PCSK5: variants seen among roughly 807,000 people sequenced by gnomAD.
PCSK5 encodes prohormone convertase 5.
In PCSK5, 129 loss-of-function variants were observed where a neutral mutation model predicts 233.2. The ratio of observed to expected loss-of-function variants is 0.55; its 90% CI spans 0.48 to 0.64. PCSK5 has a LOEUF of 0.64. Ranked by LOEUF, PCSK5 falls within the 30% of genes least tolerant of loss-of-function variation. The pLI is 0.00. For synonymous variants in PCSK5, 825 were observed against 879.2 expected, an observed-to-expected ratio of 0.94 and a Z score of 1.09; for missense variants, 2,076 against 2,430.1, an observed-to-expected ratio of 0.85 and a Z score of 3.06.
chr9:76,080,324 C>T (rs1040348579), intron 7 of PCSK5, among the ~76,000 whole-genome samples: 1 of 152,192 alleles, frequency 6.6e-6, no homozygotes. Context: ...ATATGACACA[C>T]ACGCACTCCA....
chr9:76,041,685 CA>C (rs1829125823), intron 5 of PCSK5, among the ~76,000 whole-genome samples: 1 of 151,722 alleles, frequency 6.6e-6, no homozygotes, highest in Admixed American at 6.6e-5. Flanking sequence ...ACTAAAAATA[CA>C]AAAATTAGCC....
chr9:76,342,912 A>G (rs1305727763), intron 35 of PCSK5, among the ~76,000 whole-genome samples: 1 of 151,972 alleles, frequency 6.6e-6, no homozygotes, highest in Non-Finnish European at 1.5e-5. Context: ...AATCCTGCCA[A>G]ACCTACCCCT....
chr9:76,240,596 T>A lies in PCSK5; in HGVS notation c.3074-20T>A. 1 of 1,536,388 alleles carries A rather than the reference T, an allele frequency of 6.5e-7. No homozygotes were observed. Among genetic ancestry groups the A allele is most frequent in the Non-Finnish European group, 8.9e-7 (1 of 1,127,650 alleles). ...ACTCAATGGAAATGAGTTGTGTTTT[T>A]CACTTCTCTGTCTGTGTAGGTGAAG... On this transcript the variant is annotated intron_variant, in intron 23 of 37. Transcript: ENST00000674117.
At chr9:75,920,563 G>A (rs1294769854) in intron 1 of PCSK5, among the ~76,000 whole-genome samples, 1 of 152,092 alleles carries the variant, frequency 6.6e-6, no homozygotes, top group Non-Finnish European at 1.5e-5. Context: ...CCAGCACTTT[G>A]GGAGGCCAAG....
chr9:75,981,819 T>C (rs1045693803), intron 2 of PCSK5, among the ~76,000 whole-genome samples: 1 of 152,190 alleles, frequency 6.6e-6, no homozygotes, highest in Non-Finnish European at 1.5e-5. Context: ...TGCCTTGGCC[T>C]CCCAAAGTGC....
intron 24 of PCSK5, among the ~76,000 whole-genome samples, chr9:76,278,488 T>C (rs1203758668): frequency 1.3e-5 from 2 of 151,118 alleles, no homozygotes; most frequent in Admixed American, 6.6e-5. Context: ...TGTTTTCAAA[T>C]ACATGACCCA....
chr9:75,996,832 T>TTA (rs397958043), intron 3 of PCSK5, among the ~76,000 whole-genome samples: 71 of 151,726 alleles, frequency 4.7e-4, no homozygotes, highest in African/African-American at 1.6e-3. Context: ...TTTTTTTTTT[T>TTA]ATCAAGATCT....
intron 5 of PCSK5, among the ~76,000 whole-genome samples, chr9:76,043,753 G>A (rs906862591): frequency 1.3e-5 from 2 of 152,022 alleles, no homozygotes; most frequent in Non-Finnish European, 2.9e-5. Context: ...TGTATTTTTG[G>A]TAGAGACAGT....
intron 5 of PCSK5, among the ~76,000 whole-genome samples, chr9:76,033,366 C>T (rs1828725434): frequency 1.3e-5 from 2 of 152,052 alleles, no homozygotes; most frequent in East Asian, 1.9e-4. Context: ...GTAGGTCAGA[C>T]AAAACTTAAC....
chr9:76,113,920 T>C (rs17062037), intron 9 of PCSK5, among the ~76,000 whole-genome samples: 27,685 of 152,058 alleles, frequency 0.18, 4,434 homozygotes, highest in African/African-American at 0.44. Context: ...CATACCAAGC[T>C]TTTCCTTTTA....
chr9:75,926,769 G>C (rs1330247425), intron 1 of PCSK5, among the ~76,000 whole-genome samples: 1 of 151,968 alleles, frequency 6.6e-6, no homozygotes, highest in Admixed American at 6.6e-5. Context: ...TTTCATTACT[G>C]GGTATCATTC....
intron 1 of PCSK5, among the ~76,000 whole-genome samples, chr9:75,894,691 C>T (rs1214178820): frequency 6.6e-6 from 1 of 152,120 alleles, no homozygotes; most frequent in Non-Finnish European, 1.5e-5. Context: ...ACTACCAGCC[C>T]TCTTAGTATC....
chr9:76,332,478 A>G lies in PCSK5; in HGVS notation c.4616A>G (p.Glu1539Gly). The G allele has an allele frequency of 6.2e-7, 1 of 1,612,756 alleles. No homozygotes were observed. Among genetic ancestry groups the G allele is most frequent in the Non-Finnish European group, 8.5e-7 (1 of 1,179,738 alleles). ...TGCCCAGAGGGCTATTATGCCGATGAGGACAGCAACCGGTGTGCCCACTGC... is the reference window on the plus strand; with the variant it reads ...TGCCCAGAGGGCTATTATGCCGATGGGGACAGCAACCGGTGTGCCCACTGC... Reference protein sequence around the residue: ...KDCPEGYYADEDSNRCAHCHS... With the variant: ...KDCPEGYYADGDSNRCAHCHS... Residue 1539 changes from glutamate to glycine, a missense_variant, in exon 34 of 38, where the codon GAG (glutamate) becomes GGG (glycine). Glu to Gly is a moderately conservative substitution (Grantham distance 98, BLOSUM62 -2). Coordinates refer to ENST00000674117, the MANE Select transcript of PCSK5 (RefSeq NM_001372043.1).
At chr9:76,083,124 G>A (rs768000537) in intron 7 of PCSK5, among the ~76,000 whole-genome samples, 2 of 147,858 alleles carry the variant, frequency 1.4e-5, no homozygotes, top group African/African-American at 2.5e-5. Flanking sequence ...CAGGCGAATC[G>A]CTTGAACCCG....
At chr9:76,163,634 C>T (rs10781342) in intron 12 of PCSK5, among the ~76,000 whole-genome samples, 30,265 of 150,334 alleles carry the variant, frequency 0.2, 3,194 homozygotes, top group South Asian at 0.22. Flanking sequence ...ATTGAATATT[C>T]ACAGCAAGTG....
chr9:76,317,891 C>T (rs1435200239), intron 30 of PCSK5, among the ~76,000 whole-genome samples: 2 of 152,236 alleles, frequency 1.3e-5, no homozygotes, highest in Admixed American at 1.3e-4. Context: ...GCCTGCCAAG[C>T]CCAGCCTAGA....
intron 1 of PCSK5, among the ~76,000 whole-genome samples, chr9:75,895,133 G>A (rs1366757193): frequency 6.6e-6 from 1 of 152,182 alleles, no homozygotes; most frequent in Non-Finnish European, 1.5e-5. Context: ...AAGCCATACT[G>A]GAAAAATATT....
intron 20 of PCSK5, among the ~76,000 whole-genome samples, chr9:76,207,993 G>A (rs1338609815): frequency 6.6e-6 from 1 of 152,170 alleles, no homozygotes; most frequent in African/African-American, 2.4e-5. Context: ...CATGGTAGAA[G>A]GCATGACATG....
At chr9:76,265,492 A>G (rs1827307456) in intron 24 of PCSK5, among the ~76,000 whole-genome samples, 1 of 152,220 alleles carries the variant, frequency 6.6e-6, no homozygotes. Context: ...ATTAGAGGAA[A>G]CTAAATAAAT....
Sources: allele counts gnomAD v4.1 joint callset (sites outside exome capture counted in the v4.1 genomes callset), GRCh38; gene constraint gnomAD v4.1.1; transcripts MANE v1.5; gene names NCBI Gene and HGNC (gene_info 2026-07-23, HGNC 2026-07-21).